Variants in PREX1 observed in about 807,000 individuals in gnomAD.
PREX1 encodes the protein phosphatidylinositol 3,4,5-trisphosphate-dependent Rac exchanger 1 protein.
PREX1 carries 41 observed loss-of-function variants against 198.3 expected under a neutral mutation model. The observed-to-expected ratio is 0.21, with a 90% CI of 0.16 to 0.27. PREX1 has a LOEUF of 0.27. Among genes scored for constraint, PREX1 ranks in the 10% least tolerant of loss-of-function variants. The probability of loss-of-function intolerance (pLI) is 1.00; values close to 1 mark genes in which losing one functional copy is unlikely to be tolerated. For missense variants in PREX1, 1,620 were observed against 2,200.7 expected (o/e 0.74, Z 5.28); for synonymous variants, 843 against 887.2 (o/e 0.95, Z 0.89).
intron 1 of PREX1, among the ~76,000 whole-genome samples, chr20:48,761,867 G>A (rs2090182043): frequency 6.6e-6 from 1 of 152,170 alleles, no homozygotes; most frequent in Admixed American, 6.5e-5. Context: ...TGAATATCAG[G>A]TTTCCCATTA....
At chr20:48,634,581 C>T in intron 33 of PREX1, 95 bp downstream of exon 33, 2 of 1,304,224 alleles carry the variant, frequency 1.5e-6, no homozygotes, top group South Asian at 1.3e-5. Flanking sequence ...GGCAGCTGGC[C>T]CAGAGGCAGG....
chr20:48,651,417 G>T lies in PREX1; in HGVS notation c.2634C>A (p.Gly878=), dbSNP rs1296147061. The T allele has an allele frequency of 1.2e-6, 2 of 1,609,390 alleles. No homozygotes were observed. Among genetic ancestry groups the T allele is most frequent in the Non-Finnish European group, 1.7e-6 (2 of 1,176,868 alleles). The part of the protein sequence containing the change: ...HVLEKIVEPR[G]CFGLTAKILE... ...AGACCTTGGCGGTGAGGCCGAAGCAGCCGCGGGGCTCCACGATCTTCTCCA... is the reference window on the plus strand; with the variant it reads ...AGACCTTGGCGGTGAGGCCGAAGCATCCGCGGGGCTCCACGATCTTCTCCA... Residue 878 remains glycine, a synonymous_variant, in exon 22 of 40, where the codon GGC becomes GGA. Coordinates refer to ENST00000371941, the MANE Select transcript of PREX1 (RefSeq NM_020820.4).
rs574174310 is a variant in PREX1, at chr20:48,646,356, C to T, written c.3306-299G>A. ...CCTGGACAGTGTGGAAGCAAATGGG[C>T]GTGGCTGTGTTCCAATGACACCTTG... On this transcript the variant is annotated intron_variant, in intron 25 of 39. Transcript: ENST00000371941. Among the ~76,000 whole-genome samples, 6 of 152,268 alleles carry T rather than the reference C, an allele frequency of 3.9e-5. No individual in the cohort carries two copies. The East Asian group carries it at 9.6e-4, about 24-fold the overall frequency.
In PREX1 at chr20:48,827,740, G is replaced by A. The variant is rs1040541746; in HGVS notation, c.121C>T (p.Arg41Trp). 1.9e-5 allele frequency: 25 copies of A among 1,310,848 alleles called. No homozygotes were observed. The highest frequency in any genetic ancestry group is 2.4e-5 in the Non-Finnish European group (24 of 1,015,232). The allele number at this position is 1,310,848 out of a possible 1,614,324, so 81.2% of individuals were successfully genotyped here. A position where few individuals can be genotyped will look rare whatever the true frequency, so the allele number is the denominator to read the frequency against. The change falls in exon 1 of 40, where the codon CGG (arginine) becomes TGG (tryptophan). Residue 41 changes from arginine (R) to tryptophan (W), a missense_variant. Coordinates refer to ENST00000371941, the MANE Select transcript of PREX1 (RefSeq NM_020820.4). This position sits in a 1 kb window ranked among gnomAD's most constrained non-coding sequence, Gnocchi z 4.1. ...SSGPGPCAAA[R>W]ESERQLRLRL... ...AGGCGCAGCTGGCGCTCGGACTCCC[G>A]GGCGGCCGCGCACGGGCCGGGGCCG... is the stretch of plus-strand genomic sequence containing the variant.
chr20:48,654,213 G>A (rs930988901), intron 19 of PREX1, among the ~76,000 whole-genome samples: 3 of 152,252 alleles, frequency 2.0e-5, no homozygotes, highest in African/African-American at 7.2e-5. Flanking sequence ...TCCCTACGCT[G>A]AGGGTCGCGG....
In PREX1 at chr20:48,676,263, C is replaced by T. The variant is rs745409185; in HGVS notation, c.1595G>A (p.Arg532His). 1.9e-6 allele frequency: 3 copies of T among 1,613,782 alleles called. No individual in the cohort carries two copies. Among genetic ancestry groups the T allele is most frequent in the East Asian group, 2.2e-5 (1 of 44,872 alleles). Residue 532 changes from arginine (R) to histidine (H), a missense_variant, in exon 14 of 40, where the codon CGT (arginine) becomes CAT (histidine). This residue lies in a region of PREX1 where 488 missense variants were observed against 802.5 expected (regional missense o/e 0.61). Coordinates refer to ENST00000371941, the MANE Select transcript of PREX1 (RefSeq NM_020820.4). ...HSLYTPVIKD[R>H]DYHLKTYKSV... is the part of the protein sequence containing the mutation. ...CTTGTAGGTCTTCAGGTGGTAATCA[C>T]GGTCTCTGTGGAGAAGGTGAGCGCA... is the stretch of plus-strand genomic sequence containing the variant.
intron 1 of PREX1, among the ~76,000 whole-genome samples, chr20:48,817,971 A>G (rs1396084682): frequency 6.6e-6 from 1 of 152,052 alleles, no homozygotes; most frequent in African/African-American, 2.4e-5. Context: ...AGCTAGTGGG[A>G]AAAAAACAAC....
intron 1 of PREX1, among the ~76,000 whole-genome samples, chr20:48,788,575 C>G (rs1371836864): frequency 6.6e-6 from 1 of 152,238 alleles, no homozygotes; most frequent in Non-Finnish European, 1.5e-5. Context: ...AGATCAAACT[C>G]TACCTGAAGC....
At chr20:48,878,096 G>A in the PREX1 span, among the ~76,000 whole-genome samples, 1 of 151,772 alleles carries the variant, frequency 6.6e-6, no homozygotes. Flanking sequence ...GCAACAGAGT[G>A]AGACTCTGTC....
At chr20:48,745,361 T>C (rs1312543372) in intron 2 of PREX1, among the ~76,000 whole-genome samples, 1 of 152,258 alleles carries the variant, frequency 6.6e-6, no homozygotes, top group Non-Finnish European at 1.5e-5. Context: ...ACTAATCGTG[T>C]GTTAAGAACT....
At position 48,692,742 on chromosome 20, in the gene PREX1, G is replaced by A; in HGVS notation, c.966C>T (p.Gly322=). 1 of 1,614,136 alleles carries A rather than the reference G, an allele frequency of 6.2e-7. No homozygotes were observed. The highest frequency in any genetic ancestry group is 1.1e-5 in the South Asian group (1 of 91,064). The part of the protein sequence containing the change: ...KSTKRTKSIN[G]SLYIFRGRIN... ...TTCGACCCCTGAAGATGTAGAGGGA[G>A]CCGTTGATGGATTTGGTCCTCTTGG... The change falls in exon 8 of 40, where the codon GGC becomes GGT. Residue 322 remains glycine, a synonymous_variant. Transcript: ENST00000371941.
chr20:48,778,755 G>A (rs1374717978), intron 1 of PREX1, among the ~76,000 whole-genome samples: 2 of 152,200 alleles, frequency 1.3e-5, no homozygotes, highest in South Asian at 2.1e-4. Flanking sequence ...ATTCCGTAGA[G>A]AAAGGACAGT....
intron 1 of PREX1, among the ~76,000 whole-genome samples, chr20:48,794,874 C>G (rs1187452401): frequency 2.0e-5 from 3 of 152,160 alleles, no homozygotes; most frequent in Non-Finnish European, 4.4e-5. Flanking sequence ...AACTGAGGCA[C>G]AGAAGCGAGC....
chr20:48,730,110 TC>T (rs1481560365), intron 4 of PREX1, among the ~76,000 whole-genome samples: 4 of 151,968 alleles, frequency 2.6e-5, no homozygotes, highest in South Asian at 4.2e-4. Flanking sequence ...ATTTCAGACT[TC>T]TGGCCTCCAC....
rs376311906 is a variant in PREX1 at position 48,792,721 on chromosome 20, T to C, written c.219+34921A>G. 5.1e-4 allele frequency among the ~76,000 whole-genome samples: 77 copies of C among 150,886 alleles called. No homozygotes were observed. In the East Asian group the frequency reaches 0.011, roughly 22 times the overall value. ...CTAATGAATGGATAAACAAAATGTA[T>C]ATCCATATAATGGAATATGATACAG... is the stretch of plus-strand genomic sequence containing the variant. On this transcript the variant is annotated intron_variant, in intron 1 of 39. Coordinates refer to ENST00000371941, the MANE Select transcript of PREX1 (RefSeq NM_020820.4).
chr20:48,688,856 G>A lies in PREX1; in HGVS notation c.1187-52C>T, dbSNP rs369802527. 46 of 1,608,706 alleles carry A rather than the reference G, an allele frequency of 2.9e-5. No individual in the cohort carries two copies. In the South Asian group the frequency reaches 4.4e-4, roughly 15 times the overall value. On this transcript the variant is annotated intron_variant, in intron 9 of 39. Transcript: ENST00000371941. ...AGAGAGCACCAGGCCCAGGGCAGGGGGGGTAGGGGGAGACAAGGGGCAGGC... is the reference window on the plus strand; with the variant it reads ...AGAGAGCACCAGGCCCAGGGCAGGGAGGGTAGGGGGAGACAAGGGGCAGGC...
At chr20:48,661,552 T>TACACAC (rs1275549721) in intron 15 of PREX1, among the ~76,000 whole-genome samples, 2 of 136,982 alleles carry the variant, frequency 1.5e-5, no homozygotes, top group African/African-American at 5.6e-5. Context: ...TGTATATATA[T>TACACAC]ATATACACAC....
chr20:48,665,170 A>ATAATCCTAACTCCAGACGGCCTGAGTTC (rs2122961134), intron 15 of PREX1, among the ~76,000 whole-genome samples: 1 of 125,160 alleles, frequency 8.0e-6, no homozygotes, highest in Admixed American at 8.3e-5. Context: ...GGCCTGAATT[A>ATAATCCTAACTCCAGACGGCCTGAGTTC]TAATCCTAAC....
intron 1 of PREX1, among the ~76,000 whole-genome samples, chr20:48,786,328 T>C (rs1242772309): frequency 6.6e-6 from 1 of 152,062 alleles, no homozygotes; most frequent in African/African-American, 2.4e-5. Flanking sequence ...AACCTACCCT[T>C]GGGGACCCAT....
Sources: gnomAD v4.1 joint callset for allele counts (sites outside exome capture counted in the v4.1 genomes callset) on GRCh38, gnomAD v4.1.1 for gene constraint, gnomAD v4.1.1 regional missense constraint, Gnocchi (gnomAD v3.1) non-coding constraint, MANE v1.5 for transcripts, NCBI Gene and HGNC (gene_info 2026-07-23, HGNC 2026-07-21) for gene names.